TEK: variants seen among roughly 807,000 people sequenced by gnomAD.
TEK encodes angiopoietin-1 receptor.
In TEK, 43 loss-of-function variants were observed where a neutral mutation model predicts 131.8. That is an observed-to-expected ratio of 0.33 (90% confidence interval 0.26 to 0.42). The LOEUF is 0.42. TEK is among the 10% of genes least tolerant of loss of function. The pLI is 1.00. For missense variants in TEK, 1,162 were observed against 1,384.4 expected (o/e 0.84, Z 2.55); for synonymous variants, 580 against 491.6 (o/e 1.18, Z -2.38).
At chr9:27,135,295 T>G (rs1335797296) in intron 1 of TEK, among the ~76,000 whole-genome samples, 1 of 151,870 alleles carries the variant, frequency 6.6e-6, no homozygotes, top group Non-Finnish European at 1.5e-5. Flanking sequence ...TAGCCCACCC[T>G]TAGACCTCAT....
At chr9:27,174,075 T>G (rs181596188) in intron 6 of TEK, among the ~76,000 whole-genome samples, 1 of 152,270 alleles carries the variant, frequency 6.6e-6, no homozygotes, top group East Asian at 1.9e-4. Context: ...CTGCCCTTTG[T>G]AAAATAAGCT....
intron 16 of TEK, 130 bp downstream of exon 16, chr9:27,209,361 A>ATGTC: frequency 2.7e-6 from 2 of 735,732 alleles, no homozygotes; most frequent in Non-Finnish European, 2.4e-6. Context: ...TTCTATCTGA[A>ATGTC]TGTCTGTCTA....
intron 2 of TEK, among the ~76,000 whole-genome samples, chr9:27,168,105 G>T (rs1230015388): frequency 6.6e-6 from 1 of 152,124 alleles, no homozygotes; most frequent in African/African-American, 2.4e-5. Flanking sequence ...GGGATCCTTA[G>T]CTGGCATAAT....
chr9:27,175,233 C>T (rs1228791690), intron 6 of TEK, among the ~76,000 whole-genome samples: 3 of 147,874 alleles, frequency 2.0e-5, no homozygotes, highest in South Asian at 2.2e-4. Flanking sequence ...TGAGAACATA[C>T]GGTGTTTGGT....
intron 1 of TEK, among the ~76,000 whole-genome samples, chr9:27,145,859 G>A (rs1822898324): frequency 6.6e-6 from 1 of 152,198 alleles, no homozygotes; most frequent in Non-Finnish European, 1.5e-5. Flanking sequence ...AGATTGATTA[G>A]TTGTGTGTGC....
chr9:27,199,302 T>G (rs1744510645), intron 12 of TEK, among the ~76,000 whole-genome samples: 1 of 152,248 alleles, frequency 6.6e-6, no homozygotes, highest in African/African-American at 2.4e-5. Context: ...GTAGGTTTTT[T>G]CATTTTTTAC....
At chr9:27,219,782 ATGTGCTTTG>A (rs1825986843) in intron 20 of TEK, among the ~76,000 whole-genome samples, 1 of 54,484 alleles carries the variant, frequency 1.8e-5, no homozygotes, top group African/African-American at 5.5e-5. Context: ...GGTATAATAG[ATGTGCTTTG>A]TGTGGGGAGA....
intron 17 of TEK, among the ~76,000 whole-genome samples, 162 bp from the exon 18 acceptor site, chr9:27,213,322 A>G (rs940020072): frequency 3.9e-5 from 6 of 152,192 alleles, no homozygotes; most frequent in Non-Finnish European, 7.3e-5. Context: ...GTCATTTGGC[A>G]GAATCCATTA....
At chr9:27,222,953 A>G (rs1467868473) in intron 21 of TEK, among the ~76,000 whole-genome samples, 2 of 152,216 alleles carry the variant, frequency 1.3e-5, no homozygotes, top group Admixed American at 6.5e-5. Flanking sequence ...AAAGCAATAA[A>G]AAAAAGCAGG....
intron 1 of TEK, among the ~76,000 whole-genome samples, chr9:27,131,346 G>A (rs7852165): frequency 1.1e-4 from 16 of 151,922 alleles, no homozygotes; most frequent in African/African-American, 3.6e-4. Context: ...AATCAGGTGG[G>A]TGTGGTGCTG....
intron 10 of TEK, among the ~76,000 whole-genome samples, chr9:27,191,437 T>C (rs987299902): frequency 6.6e-6 from 1 of 152,204 alleles, no homozygotes; most frequent in African/African-American, 2.4e-5. Flanking sequence ...TCAGTGACCA[T>C]GCTGCTTCAA....
intron 1 of TEK, among the ~76,000 whole-genome samples, chr9:27,137,949 T>C (rs1423066828): frequency 6.6e-6 from 1 of 152,168 alleles, no homozygotes; most frequent in Non-Finnish European, 1.5e-5. Context: ...TTCCTTCAGA[T>C]GTGTCTGGAG....
At chr9:27,154,021 A>C (rs1409463149) in intron 1 of TEK, among the ~76,000 whole-genome samples, 1 of 152,242 alleles carries the variant, frequency 6.6e-6, no homozygotes, top group Non-Finnish European at 1.5e-5. Context: ...GAGAAAGAGA[A>C]AAATGCATTA....
At position 27,173,234 on chromosome 9, in the gene TEK, A is replaced by G; in HGVS notation, c.773A>G (p.His258Arg). ...GRTCEKACEL[H>R]TFGRTCKERC... ...TTTCCTCCCAAAGCTTGTGAACTGC[A>G]CACGTTTGGCAGAACTTGTAAAGAA... The change falls in exon 6 of 23, where the codon CAC becomes CGC. Residue 258 changes from histidine (H) to arginine (R), a missense_variant. This residue lies in a region of TEK where 436 missense variants were observed against 539.1 expected (regional missense o/e 0.81). Coordinates refer to ENST00000380036, the MANE Select transcript of TEK (RefSeq NM_000459.5). The G allele has an allele frequency of 6.2e-7, 1 of 1,614,040 alleles. No individual in the cohort carries two copies. The highest frequency in any genetic ancestry group is 8.5e-7 in the Non-Finnish European group (1 of 1,179,926).
At chr9:27,212,986 C>G in intron 17 of TEK, 89 bp downstream of exon 17, 6 of 1,390,916 alleles carry the variant, frequency 4.3e-6, no homozygotes, top group Middle Eastern at 2.2e-4. Context: ...CTGTCAACCT[C>G]TCTTCTTTAA....
intron 6 of TEK, among the ~76,000 whole-genome samples, chr9:27,177,470 G>A (rs1824212569): frequency 6.6e-6 from 1 of 152,212 alleles, no homozygotes; most frequent in African/African-American, 2.4e-5. Flanking sequence ...AGAGATGTCG[G>A]CTGGGCACGA....
intron 22 of TEK, among the ~76,000 whole-genome samples, chr9:27,228,598 G>A (rs963628435): frequency 4.6e-5 from 7 of 152,106 alleles, no homozygotes; most frequent in Non-Finnish European, 8.8e-5. Context: ...TTTTATAGAT[G>A]AAGAAACAGA....
At chr9:27,173,733 TTTG>T (rs1337580816) in intron 6 of TEK, among the ~76,000 whole-genome samples, 7 of 132,838 alleles carry the variant, frequency 5.3e-5, no homozygotes, top group Non-Finnish European at 9.3e-5. Context: ...GTTTTTTTTT[TTTG>T]GTTTTTTTTT....
chr9:27,219,523 A>G (rs1303462173), intron 20 of TEK, among the ~76,000 whole-genome samples: 1 of 152,052 alleles, frequency 6.6e-6, no homozygotes, highest in Non-Finnish European at 1.5e-5. Context: ...GCATTAGGAC[A>G]AATACCTAAT....
Sources: gnomAD v4.1 joint callset for allele counts (sites outside exome capture counted in the v4.1 genomes callset) on GRCh38, gnomAD v4.1.1 for gene constraint, gnomAD v4.1.1 regional missense constraint, MANE v1.5 for transcripts, NCBI Gene and HGNC (gene_info 2026-07-23, HGNC 2026-07-21) for gene names.